CNTN4: variants seen among roughly 807,000 people sequenced by gnomAD.
CNTN4 encodes contactin 4.
A neutral mutation model predicts 122.5 loss-of-function variants in CNTN4; 77 were observed. The observed-to-expected ratio is 0.63, with a 90% CI of 0.52 to 0.76. The LOEUF is 0.76. Ranked by LOEUF, CNTN4 falls within the 30% of genes least tolerant of loss-of-function variation. The probability of loss-of-function intolerance (pLI) is 0.00; values close to 1 mark genes in which losing one functional copy is unlikely to be tolerated. For missense variants in CNTN4, 1,256 were observed against 1,259.1 expected, an observed-to-expected ratio of 1.00 and a Z score of 0.04; for synonymous variants, 512 against 447.0, an observed-to-expected ratio of 1.15 and a Z score of -1.83.
chr3:2,683,244 A>G (rs2085255796), intron 4 of CNTN4, among the ~76,000 whole-genome samples: 1 of 152,076 alleles, frequency 6.6e-6, no homozygotes, highest in Admixed American at 6.6e-5. Flanking sequence ...ATAAAAGTAA[A>G]GATAAGGCTG....
chr3:2,326,519 C>CACAT (rs1553624463), intron 2 of CNTN4, among the ~76,000 whole-genome samples: 10,073 of 140,056 alleles, frequency 0.072, 469 homozygotes, highest in Non-Finnish European at 0.092. Context: ...CACACACACA[C>CACAT]ACACACACAA....
At chr3:2,263,534 TATG>T (rs1312584046) in intron 2 of CNTN4, among the ~76,000 whole-genome samples, 11 of 152,138 alleles carry the variant, frequency 7.2e-5, no homozygotes, top group African/African-American at 2.7e-4. Context: ...TTGGAGTGCA[TATG>T]ATATTTTGAT....
chr3:3,018,650 A>T (rs1697993909), intron 14 of CNTN4, among the ~76,000 whole-genome samples: 1 of 152,194 alleles, frequency 6.6e-6, no homozygotes, highest in Non-Finnish European at 1.5e-5. Flanking sequence ...TTTTCAGGAT[A>T]AGATACAGAA....
rs371861717 is a variant in CNTN4, at chr3:2,176,251, A to G, written c.-145+75612A>G. On this transcript the variant is annotated intron_variant, in intron 2 of 24. Transcript: ENST00000418658. ...ACGAATGAGTATTTGTCAGGGCTTC[A>G]CTTGATATACTTTCTACCACTGTCC... 7.9e-4 allele frequency among the ~76,000 whole-genome samples: 120 copies of G among 152,264 alleles called. 2 individuals carry two copies. The highest frequency in any genetic ancestry group is 2.7e-3 in the African/African-American group (111 of 41,548).
At chr3:2,336,973 T>C (rs765291359) in intron 2 of CNTN4, among the ~76,000 whole-genome samples, 1 of 152,194 alleles carries the variant, frequency 6.6e-6, no homozygotes, top group Non-Finnish European at 1.5e-5. Context: ...TATTAATTGA[T>C]GGTTCAATAG....
intron 4 of CNTN4, among the ~76,000 whole-genome samples, chr3:2,679,675 T>C (rs1428938729): frequency 6.6e-6 from 1 of 152,180 alleles, no homozygotes; most frequent in Non-Finnish European, 1.5e-5. Flanking sequence ...GTGGCCAGAT[T>C]AGAAAAAGGA....
At chr3:2,271,229 T>C (rs1037698839) in intron 2 of CNTN4, among the ~76,000 whole-genome samples, 11 of 152,066 alleles carry the variant, frequency 7.2e-5, no homozygotes, top group African/African-American at 2.7e-4. Context: ...CATTTTGATG[T>C]TGCTACTCCA....
At chr3:2,220,064 T>G (rs924975578) in intron 2 of CNTN4, among the ~76,000 whole-genome samples, 5 of 152,204 alleles carry the variant, frequency 3.3e-5, no homozygotes, top group African/African-American at 9.6e-5. Flanking sequence ...ATTTCTTCTC[T>G]GCCATCACTC....
At chr3:2,559,751 G>A (rs183648062) in intron 3 of CNTN4, among the ~76,000 whole-genome samples, 1 of 152,236 alleles carries the variant, frequency 6.6e-6, no homozygotes, top group Admixed American at 6.5e-5. Flanking sequence ...TTTGTCAAAT[G>A]GGGTGGAAAT....
chr3:2,815,166 C>T (rs1330717873), intron 6 of CNTN4, among the ~76,000 whole-genome samples: 1 of 152,186 alleles, frequency 6.6e-6, no homozygotes, highest in Non-Finnish European at 1.5e-5. Flanking sequence ...CCCTTCTGGA[C>T]ATTGGCTTAG....
At chr3:2,155,544 G>C (rs956248742) in intron 2 of CNTN4, among the ~76,000 whole-genome samples, 6 of 152,188 alleles carry the variant, frequency 3.9e-5, no homozygotes, top group Non-Finnish European at 8.8e-5. Flanking sequence ...ACTGAAAACT[G>C]TTTTTAAGTG....
At chr3:2,808,647 A>T (rs1373718021) in intron 6 of CNTN4, among the ~76,000 whole-genome samples, 1 of 152,166 alleles carries the variant, frequency 6.6e-6, no homozygotes, top group Non-Finnish European at 1.5e-5. Context: ...CATCTCTGGC[A>T]TTCCCTGGGG....
chr3:2,153,368 A>G (rs1424897493), intron 2 of CNTN4, among the ~76,000 whole-genome samples: 2 of 152,214 alleles, frequency 1.3e-5, no homozygotes, highest in Middle Eastern at 3.2e-3. Flanking sequence ...GATGAAAACA[A>G]TATCTAGGAG....
At chr3:2,845,304 T>C (rs957620527) in intron 7 of CNTN4, among the ~76,000 whole-genome samples, 1 of 152,082 alleles carries the variant, frequency 6.6e-6, no homozygotes, top group Non-Finnish European at 1.5e-5. Flanking sequence ...ATGATGAACG[T>C]AGCTTATGTG....
intron 5 of CNTN4, among the ~76,000 whole-genome samples, chr3:2,741,119 A>G (rs761827809): frequency 4.6e-5 from 7 of 152,238 alleles, no homozygotes; most frequent in Non-Finnish European, 1.0e-4. Flanking sequence ...AAGCAGCTGC[A>G]ATGTACCAGT....
chr3:2,570,916 G>A lies in CNTN4; in HGVS notation c.-88-500G>A, dbSNP rs576603163. Reference sequence around the variant, plus strand: ...CTGTGGCATGTTAGAAGTGAAACACGGGGCAGAGGGGAAAAATTGTTTGAG... The same window carrying A: ...CTGTGGCATGTTAGAAGTGAAACACAGGGCAGAGGGGAAAAATTGTTTGAG... On this transcript the variant is annotated intron_variant, in intron 3 of 24. Coordinates refer to ENST00000418658, the MANE Select transcript of CNTN4 (RefSeq NM_175607.3). Among the ~76,000 whole-genome samples the A allele has an allele frequency of 2.6e-4, 39 of 152,248 alleles. 2 individuals are homozygous for A. The South Asian group carries it at 6.4e-3, about 25-fold the overall frequency.
chr3:2,465,772 C>G (rs563992777), intron 3 of CNTN4, among the ~76,000 whole-genome samples: 25 of 152,308 alleles, frequency 1.6e-4, no homozygotes, highest in African/African-American at 5.8e-4. Context: ...TTTCTTGAAG[C>G]TTGAAACCTC....
chr3:2,335,532 T>A (rs904961888), intron 2 of CNTN4, among the ~76,000 whole-genome samples: 1 of 151,850 alleles, frequency 6.6e-6, no homozygotes, highest in Non-Finnish European at 1.5e-5. Context: ...TAGATTCAGT[T>A]TCTTTCCCCC....
chr3:2,946,703 T>G (rs866032135), intron 13 of CNTN4, among the ~76,000 whole-genome samples: 10 of 100,150 alleles, frequency 1.0e-4, no homozygotes, highest in South Asian at 7.6e-4. Flanking sequence ...CTTTTTTTTT[T>G]CTTTTTTTTT....
Sources: gnomAD v4.1 joint callset for allele counts (sites outside exome capture counted in the v4.1 genomes callset) on GRCh38, gnomAD v4.1.1 for gene constraint, MANE v1.5 for transcripts, NCBI Gene and HGNC (gene_info 2026-07-23, HGNC 2026-07-21) for gene names.